Variants in TBC1D22A observed in about 807,000 individuals in gnomAD.
TBC1D22A encodes the protein TBC1 domain family member 22A, also known as putative GTPase activator.
TBC1D22A carries 38 observed loss-of-function variants against 60.2 expected under a neutral mutation model. The observed-to-expected ratio is 0.63, with a 90% CI of 0.49 to 0.83. TBC1D22A has a LOEUF of 0.83. Ranked by LOEUF, TBC1D22A falls within the 40% of genes least tolerant of loss-of-function variation. TBC1D22A has a pLI of 0.00. For missense variants in TBC1D22A, 628 were observed against 701.0 expected (o/e 0.90, Z 1.18); for synonymous variants, 302 against 281.7 (o/e 1.07, Z -0.72).
chr22:47,101,310 C>T (rs1172424941), intron 11 of TBC1D22A, among the ~76,000 whole-genome samples: 1 of 152,214 alleles, frequency 6.6e-6, no homozygotes, highest in Non-Finnish European at 1.5e-5. Context: ...AAGTGTCCCC[C>T]TGCCCCCCAA....
chr22:47,162,957 T>A (rs868211870), intron 12 of TBC1D22A, among the ~76,000 whole-genome samples: 6 of 152,318 alleles, frequency 3.9e-5, no homozygotes, highest in Middle Eastern at 6.8e-3. Context: ...GACCACACCA[T>A]GCCCACGCCC....
intron 12 of TBC1D22A, among the ~76,000 whole-genome samples, chr22:47,134,045 C>T (rs2066773761): frequency 6.6e-6 from 1 of 152,164 alleles, no homozygotes; most frequent in African/African-American, 2.4e-5. Flanking sequence ...GCCCATGCCT[C>T]CCTCATAAGA....
At position 46,914,624 on chromosome 22, in the gene TBC1D22A, G is replaced by A. The variant is rs1159706889; in HGVS notation, c.1015+2436G>A. On this transcript the variant is annotated intron_variant, in intron 8 of 12. Transcript: ENST00000337137. Reference sequence around the variant, plus strand: ...TGTCCAGATTCCTTATGGGGCTGAAGTTGAGTCATTCACGCGGCCCTTCAT... The same window carrying A: ...TGTCCAGATTCCTTATGGGGCTGAAATTGAGTCATTCACGCGGCCCTTCAT... 2.0e-5 allele frequency: 3 copies of A among 152,414 alleles called. No homozygotes were observed. The East Asian group carries it at 5.8e-4, about 29-fold the overall frequency. The allele number at this position is 152,414 out of a possible 1,614,324, so 9.4% of individuals were successfully genotyped here.
intron 8 of TBC1D22A, among the ~76,000 whole-genome samples, chr22:46,918,348 C>G (rs150669693): frequency 6.6e-6 from 1 of 152,284 alleles, no homozygotes; most frequent in African/African-American, 2.4e-5. Flanking sequence ...TTCCTGGAAC[C>G]CACACAGCGA....
chr22:47,067,980 G>T (rs530349278), intron 11 of TBC1D22A, among the ~76,000 whole-genome samples: 3 of 152,244 alleles, frequency 2.0e-5, no homozygotes, highest in African/African-American at 7.2e-5. Flanking sequence ...AGACTGACAA[G>T]CACCATCCCC....
intron 8 of TBC1D22A, among the ~76,000 whole-genome samples, chr22:46,961,796 G>T (rs1000173711): frequency 6.6e-6 from 1 of 152,200 alleles, no homozygotes; most frequent in Non-Finnish European, 1.5e-5. Context: ...TCGGTCAGTG[G>T]TCTGAGTGCG....
chr22:47,156,014 G>A lies in TBC1D22A; in HGVS notation c.1426-17484G>A, dbSNP rs889805241. ...CCAGCGTCGTGTTATGTGTGACACCGGGTTCATCAAGTGCCTCCCACTCAG... is the reference window on the plus strand; with the variant it reads ...CCAGCGTCGTGTTATGTGTGACACCAGGTTCATCAAGTGCCTCCCACTCAG... On this transcript the variant is annotated intron_variant, in intron 12 of 12. Coordinates refer to ENST00000337137, the MANE Select transcript of TBC1D22A (RefSeq NM_014346.5). Among the ~76,000 whole-genome samples, 6 of 152,094 alleles carry A rather than the reference G, an allele frequency of 3.9e-5. No homozygotes were observed. In the South Asian group the frequency reaches 1.2e-3, roughly 32 times the overall value.
intron 11 of TBC1D22A, among the ~76,000 whole-genome samples, chr22:47,056,659 A>T (rs2063403820): frequency 6.6e-6 from 1 of 152,028 alleles, no homozygotes; most frequent in Non-Finnish European, 1.5e-5. Flanking sequence ...AAGGACACAG[A>T]TGTGGCCACA....
At chr22:47,115,962 C>T (rs2066028322) in intron 12 of TBC1D22A, 1 of 152,220 alleles carries the variant, frequency 6.6e-6, no homozygotes, top group African/African-American at 2.4e-5. Flanking sequence ...ATAAGCTATC[C>T]CGGAACATCT....
At chr22:46,864,455 A>T (rs2066956507) in intron 4 of TBC1D22A, among the ~76,000 whole-genome samples, 1 of 152,180 alleles carries the variant, frequency 6.6e-6, no homozygotes. Context: ...TGGAAGTGAA[A>T]CCTTGTTGAA....
chr22:46,846,504 G>A (rs573247551), intron 4 of TBC1D22A, among the ~76,000 whole-genome samples: 56 of 152,294 alleles, frequency 3.7e-4, no homozygotes, highest in African/African-American at 1.3e-3. Context: ...GGAAATGGAC[G>A]GAGTTTTCCC....
At chr22:47,166,637 G>A (rs1284691592) in intron 12 of TBC1D22A, among the ~76,000 whole-genome samples, 1 of 152,210 alleles carries the variant, frequency 6.6e-6, no homozygotes, top group Non-Finnish European at 1.5e-5. Flanking sequence ...TTCTCCATCT[G>A]TTGCCTGACC....
Position 47,065,655 on chromosome 22 carries a change from G to GTGGC in TBC1D22A, c.1329+28457_1329+28458insTGGC, listed in dbSNP as rs57925231. Reference sequence around the variant, plus strand: ...CTCGGAGTTGGGACTGGGTTGGATTGAGGGAGACCTGCGTGAGTCACATCC... The same window carrying GTGGC: ...CTCGGAGTTGGGACTGGGTTGGATTGTGGCAGGGAGACCTGCGTGAGTCACATCC... On this transcript the variant is annotated intron_variant, in intron 11 of 12. Coordinates refer to ENST00000337137, the MANE Select transcript of TBC1D22A (RefSeq NM_014346.5). Among the ~76,000 whole-genome samples, 4 of 151,128 alleles carry GTGGC rather than the reference G, an allele frequency of 2.6e-5. 1 individual carries two copies. The highest frequency in any genetic ancestry group is 9.8e-5 in the African/African-American group (4 of 40,988).
chr22:47,144,061 T>TC (rs2067205177), intron 12 of TBC1D22A, among the ~76,000 whole-genome samples: 1 of 152,142 alleles, frequency 6.6e-6, no homozygotes, highest in Non-Finnish European at 1.5e-5. Flanking sequence ...CAGCCCGATG[T>TC]CCCTAGACGG....
chr22:47,091,033 G>A (rs1264596468), intron 11 of TBC1D22A, among the ~76,000 whole-genome samples: 1 of 121,486 alleles, frequency 8.2e-6, no homozygotes, highest in Non-Finnish European at 1.7e-5. Flanking sequence ...ACAGGCATGA[G>A]AAGTCGTCTT....
At chr22:46,989,611 T>G (rs1232105843) in intron 9 of TBC1D22A, among the ~76,000 whole-genome samples, 1 of 152,032 alleles carries the variant, frequency 6.6e-6, no homozygotes, top group Admixed American at 6.6e-5. Context: ...ACAAAACATT[T>G]ATTAAGTTTG....
intron 10 of TBC1D22A, among the ~76,000 whole-genome samples, chr22:47,036,649 C>T (rs2062666723): frequency 6.6e-6 from 1 of 152,250 alleles, no homozygotes; most frequent in Admixed American, 6.5e-5. Context: ...CAAGATTGGG[C>T]CCCTCCTGAG....
In TBC1D22A at chr22:47,174,660, G is replaced by A. The variant is rs2068615685; in HGVS notation, c.*1034G>A. 6.6e-6 allele frequency: 1 copy of A among 151,688 alleles called. No individual in the cohort carries two copies. The highest frequency in any genetic ancestry group is 1.5e-5 in the Non-Finnish European group (1 of 67,868). 9.4% of individuals were successfully genotyped at this position (151,688 alleles called of 1,614,324 possible). A position where few individuals can be genotyped will look rare whatever the true frequency, so the allele number is the denominator to read the frequency against. ...TCCTCCGTGGACCGGTTCCGCCATG[G>A]ACCGGTTCCGCCATGGACCACTCCT... On this transcript the variant is annotated 3_prime_UTR_variant, in exon 13 of 13. Transcript: ENST00000337137.
At chr22:47,003,795 A>T (rs1256911847) in intron 10 of TBC1D22A, among the ~76,000 whole-genome samples, 1 of 106,524 alleles carries the variant, frequency 9.4e-6, no homozygotes, top group African/African-American at 3.5e-5. Flanking sequence ...CTACACACAC[A>T]TGCCTGTACA....
Sources: gnomAD v4.1 joint callset for allele counts (sites outside exome capture counted in the v4.1 genomes callset) on GRCh38, gnomAD v4.1.1 for gene constraint, MANE v1.5 for transcripts, NCBI Gene and HGNC (gene_info 2026-07-23, HGNC 2026-07-21) for gene names.